The following RBM3 variants were observed in gnomAD, a reference collection of about 807,000 sequenced individuals.
RBM3 encodes RNA binding motif protein 3, also known as RNA-binding protein 3.
A neutral mutation model predicts 12.0 loss-of-function variants in RBM3; 3 were observed. That is an observed-to-expected ratio of 0.25 (90% CI 0.11 to 0.65). The LOEUF is 0.65. Ranked by LOEUF, RBM3 falls within the 30% of genes least tolerant of loss-of-function variation. The pLI is 0.84. For synonymous variants in RBM3, 58 were observed against 45.7 expected, an observed-to-expected ratio of 1.27 and a Z score of -1.08; for missense variants, 108 against 134.5, an observed-to-expected ratio of 0.80 and a Z score of 0.97.
Position 48,574,525 on chromosome X carries a change from C to T in RBM3, c.-62C>T, listed in dbSNP as rs782419590. On this transcript the variant is annotated 5_prime_UTR_variant, in exon 1 of 7. Transcript: ENST00000376759. The stretch of plus-strand genomic sequence containing the variant: ...CGCAGCCCCGTCCCTGTTTTTTGTG[C>T]TCCTCCGAGCTCGCTGTTCGTCCGG... The T allele has an allele frequency of 9.6e-5, 32 of 331,988 alleles. No individual in the cohort carries two copies. The highest frequency in any genetic ancestry group is 8.0e-4 in the South Asian group (31 of 38,548). The allele number at this position is 331,988 out of a possible 1,213,427, so 27.4% of individuals were successfully genotyped here. A position where few individuals can be genotyped will look rare whatever the true frequency, so the allele number is the denominator to read the frequency against.
chrX:48,579,146 C>T lies in RBM3; in HGVS notation c.*1705C>T, dbSNP rs899669490. 9.0e-6 allele frequency: 1 copy of T among 111,024 alleles called. No individual in the cohort carries two copies. The highest frequency in any genetic ancestry group is 3.3e-5 in the African/African-American group (1 of 30,572). 9.1% of individuals were successfully genotyped at this position (111,024 alleles called of 1,213,427 possible). A position where few individuals can be genotyped will look rare whatever the true frequency, so the allele number is the denominator to read the frequency against. On this transcript the variant is annotated 3_prime_UTR_variant, in exon 7 of 7. Transcript: ENST00000376759. ...TGGTCTTAGTTCCTCAGTTCTGCTC[C>T]CTTTAGTCATGGTTCTTTCTAGTGG...
At position 48,576,410 on chromosome X, in the gene RBM3, T is replaced by C. The variant is rs1556989240; in HGVS notation, c.307T>C (p.Tyr103His). 8.3e-7 allele frequency: 1 copy of C among 1,210,096 alleles called. No individual in the cohort carries two copies. The highest frequency in any genetic ancestry group is 2.2e-5 in the Admixed American group (1 of 45,823). Residue 103 changes from tyrosine to histidine, a missense_variant, in exon 4 of 7, where the codon TAC (tyrosine) becomes CAC (histidine). This residue lies in a region of RBM3 where 65 missense variants were observed against 54.9 expected (regional missense o/e 1.18). Transcript: ENST00000376759. ...GFGAHGRGRS[Y>H]SRGGGDQGYG... is the part of the protein sequence containing the mutation. ...TGGGGCCCATGGGCGTGGTCGCAGC[T>C]ACTCTAGAGGTGAGTGCAGTGATCG...
Position 48,578,982 on chromosome X carries a change from T to TA in RBM3, c.*1542dup, listed in dbSNP as rs1345306775. 15 of 112,063 alleles carry TA rather than the reference T, an allele frequency of 1.3e-4. No homozygotes were observed. The Admixed American group carries it at 1.4e-3, about 11-fold the overall frequency. 9.2% of individuals were successfully genotyped at this position (112,063 alleles called of 1,213,427 possible). On this transcript the variant is annotated 3_prime_UTR_variant, in exon 7 of 7. Transcript: ENST00000376759. ...ATTTAATTTCAGCCTTATGCCATTT[T>TA]ACATTTTCTGTGGAGGGTTAGGTTA...
rs1318950602 is a variant in RBM3 at position 48,575,097 on chromosome X, C to T, written c.-13-71C>T. 1.5e-5 allele frequency: 11 copies of T among 756,675 alleles called. No individual in the cohort carries two copies. The African/African-American group carries it at 2.3e-4, about 16-fold the overall frequency. The allele number at this position is 756,675 out of a possible 1,213,427, so 62.4% of individuals were successfully genotyped here. ...TTTTCTGTGCTTTTTCTCTGCTTTC[C>T]GTCTCGCTATTTTCTCACATCTCCA... On this transcript the variant is annotated intron_variant, in intron 1 of 6. Transcript: ENST00000376759.
chrX:48,575,425 G>A, intron 2 of RBM3, 136 bp from the exon 3 acceptor site: 1 of 787,181 alleles, frequency 1.3e-6, no homozygotes, highest in Admixed American at 3.1e-5. Flanking sequence ...CTAAGGATGA[G>A]GGGAAGCGTC....
rs2062099955 is a variant in RBM3 at position 48,581,073 on chromosome X, G to GT, written c.*3632_*3633insT. ...GAGGAAGTGCCCTGGATCTGGGGGC[G>GT]GGGGGGGGCGGGGGGAATGGGTCTT... is the stretch of plus-strand genomic sequence containing the variant. On this transcript the variant is annotated 3_prime_UTR_variant, in exon 7 of 7. Coordinates refer to ENST00000376759, the MANE Select transcript of RBM3 (RefSeq NM_006743.5). 1 of 94,640 alleles carries GT rather than the reference G, an allele frequency of 1.1e-5. No individual in the cohort carries two copies. The highest frequency in any genetic ancestry group is 3.9e-5 in the African/African-American group (1 of 25,711). The allele number at this position is 94,640 out of a possible 1,213,427, so 7.8% of individuals were successfully genotyped here.
At chrX:48,575,005 C>T in intron 1 of RBM3, 163 bp from the exon 2 acceptor site, 1 of 464,850 alleles carries the variant, frequency 2.2e-6, no homozygotes, top group East Asian at 3.7e-5. Flanking sequence ...CCTCAGATTA[C>T]CACCTTATTG....
In RBM3 at chrX:48,578,746, T is replaced by C. The variant is rs1324331992; in HGVS notation, c.*1305T>C. The C allele has an allele frequency of 1.8e-5, 2 of 111,620 alleles. No individual in the cohort carries two copies. The highest frequency in any genetic ancestry group is 3.8e-5 in the Non-Finnish European group (2 of 53,168). The allele number at this position is 111,620 out of a possible 1,213,427, so 9.2% of individuals were successfully genotyped here. On this transcript the variant is annotated 3_prime_UTR_variant, in exon 7 of 7. Transcript: ENST00000376759. The stretch of plus-strand genomic sequence containing the variant: ...TTGTTCTGAGAACATAAGCACCTAA[T>C]CTCATGGCGTGAGCTAATCCCTATC...
intron 3 of RBM3, 169 bp downstream of exon 3, chrX:48,575,836 C>G: frequency 1.8e-6 from 1 of 567,750 alleles, no homozygotes; most frequent in Non-Finnish European, 2.7e-6. Context: ...CAGCGGCAGA[C>G]AGAGCCTGGC....
Position 48,581,074 on chromosome X carries a change from G to T in RBM3, c.*3633G>T, listed in dbSNP as rs2062099963. 9.6e-6 allele frequency: 1 copy of T among 104,081 alleles called. No individual in the cohort carries two copies. The highest frequency in any genetic ancestry group is 2.0e-5 in the Non-Finnish European group (1 of 51,263). 8.6% of individuals were successfully genotyped at this position (104,081 alleles called of 1,213,427 possible). On this transcript the variant is annotated 3_prime_UTR_variant, in exon 7 of 7. Coordinates refer to ENST00000376759, the MANE Select transcript of RBM3 (RefSeq NM_006743.5). ...AGGAAGTGCCCTGGATCTGGGGGCG[G>T]GGGGGGGCGGGGGGAATGGGTCTTT...
At position 48,576,368 on chromosome X, in the gene RBM3, A is replaced by T; in HGVS notation, c.265A>T (p.Thr89Ser). Reference protein sequence around the residue: ...VDHAGKSARGTRGGGFGAHGR... With the variant: ...VDHAGKSARGSRGGGFGAHGR... ...TCATGCAGGCAAGTCTGCTCGGGGA[A>T]CCAGAGGAGGTGGCTTTGGGGCCCA... Residue 89 changes from threonine (T) to serine (S), a missense_variant, in exon 4 of 7, where the codon ACC becomes TCC. By Grantham distance (58) the Thr-to-Ser change is moderately conservative. This residue lies in a region of RBM3 where 43 missense variants were observed against 79.6 expected (regional missense o/e 0.54). Transcript: ENST00000376759. 2 of 1,211,199 alleles carry T rather than the reference A, an allele frequency of 1.7e-6. No homozygotes were observed. The highest frequency in any genetic ancestry group is 2.2e-6 in the Non-Finnish European group (2 of 895,320).
Position 48,577,584 on chromosome X carries a change from TGACCTGCCAAG to T in RBM3, c.*145_*155del. The T allele has an allele frequency of 2.7e-6, 2 of 733,372 alleles. No individual in the cohort carries two copies. The highest frequency in any genetic ancestry group is 3.6e-6 in the Non-Finnish European group (2 of 550,988). The allele number at this position is 733,372 out of a possible 1,213,427, so 60.4% of individuals were successfully genotyped here. On this transcript the variant is annotated 3_prime_UTR_variant, in exon 7 of 7. Transcript: ENST00000376759. ...GTATATCAACCTTTTGTTTTTAAAT[TGACCTGCCAAG>T]GTAGCTGAAGACCTTTTAGACAGTT...
Position 48,577,718 on chromosome X carries a change from A to G in RBM3, c.*277A>G. 4.9e-6 allele frequency: 1 copy of G among 203,288 alleles called. No homozygotes were observed. Among genetic ancestry groups the G allele is most frequent in the South Asian group, 6.1e-5 (1 of 16,403 alleles). 16.8% of individuals were successfully genotyped at this position (203,288 alleles called of 1,213,427 possible). A position where few individuals can be genotyped will look rare whatever the true frequency, so the allele number is the denominator to read the frequency against. Reference sequence around the variant, plus strand: ...TTCTTTTTACCAGTTTTTTAGTTTGAGCTCTTAGGTTTATTGGAGCTAGCA... The same window carrying G: ...TTCTTTTTACCAGTTTTTTAGTTTGGGCTCTTAGGTTTATTGGAGCTAGCA... On this transcript the variant is annotated 3_prime_UTR_variant, in exon 7 of 7. Coordinates refer to ENST00000376759, the MANE Select transcript of RBM3 (RefSeq NM_006743.5).
chrX:48,575,672 G>A lies in RBM3; in HGVS notation c.210+5G>A. ...ATGAGAGCCATGAACGGAGAGGTGG[G>A]GCCTCCTATCTGCAGAGGGACCTTG... On this transcript the variant is annotated splice_donor_5th_base_variant and intron_variant, in intron 3 of 6. Transcript: ENST00000376759. 8.3e-7 allele frequency: 1 copy of A among 1,197,992 alleles called. No individual in the cohort carries two copies. The highest frequency in any genetic ancestry group is 1.1e-6 in the Non-Finnish European group (1 of 884,800).
Position 48,577,713 on chromosome X carries a change from GT to G in RBM3, c.*275del. 1 of 206,233 alleles carries G rather than the reference GT, an allele frequency of 4.8e-6. No individual in the cohort carries two copies. The highest frequency in any genetic ancestry group is 8.8e-6 in the Non-Finnish European group (1 of 113,355). The allele number at this position is 206,233 out of a possible 1,213,427, so 17.0% of individuals were successfully genotyped here. A position where few individuals can be genotyped will look rare whatever the true frequency, so the allele number is the denominator to read the frequency against. On this transcript the variant is annotated 3_prime_UTR_variant, in exon 7 of 7. Transcript: ENST00000376759. ...TATTTTTCTTTTTACCAGTTTTTTAGTTTGAGCTCTTAGGTTTATTGGAGCT... is the reference window on the plus strand; with the variant it reads ...TATTTTTCTTTTTACCAGTTTTTTAGTTGAGCTCTTAGGTTTATTGGAGCT...
intron 2 of RBM3, 65 bp downstream of exon 2, chrX:48,575,348 G>T: frequency 9.7e-7 from 1 of 1,029,595 alleles, no homozygotes; most frequent in South Asian, 2.0e-5. Context: ...GCATTTCAAG[G>T]AGTATTAACT....
chrX:48,575,847 C>A (rs1325603193), intron 3 of RBM3, 180 bp downstream of exon 3: 1 of 551,978 alleles, frequency 1.8e-6, no homozygotes. Flanking sequence ...AGAGCCTGGC[C>A]GCCTGGGAGG....
intron 1 of RBM3, 190 bp from the exon 2 acceptor site, chrX:48,574,978 G>A: frequency 4.4e-6 from 2 of 451,962 alleles, no homozygotes; most frequent in Non-Finnish European, 7.9e-6. Context: ...CCTAATGGTG[G>A]CTGCGCTGAG....
chrX:48,577,764 T>A lies in RBM3; in HGVS notation c.*323T>A, dbSNP rs898777129. 2.7e-5 allele frequency: 5 copies of A among 183,445 alleles called. No individual in the cohort carries two copies. Among genetic ancestry groups the A allele is most frequent in the Admixed American group, 7.7e-5 (1 of 13,050 alleles). 15.1% of individuals were successfully genotyped at this position (183,445 alleles called of 1,213,427 possible). A position where few individuals can be genotyped will look rare whatever the true frequency, so the allele number is the denominator to read the frequency against. On this transcript the variant is annotated 3_prime_UTR_variant, in exon 7 of 7. Coordinates refer to ENST00000376759, the MANE Select transcript of RBM3 (RefSeq NM_006743.5). The stretch of plus-strand genomic sequence containing the variant: ...TAGCAATAATTGGTTCTGGCAAGTT[T>A]GGCCAGACTGACTTCAAAAAATTAA...
Sources: gnomAD v4.1 joint callset for allele counts on GRCh38, gnomAD v4.1.1 for gene constraint, gnomAD v4.1.1 regional missense constraint, MANE v1.5 for transcripts, NCBI Gene and HGNC (gene_info 2026-07-23, HGNC 2026-07-21) for gene names.